Variants in RAC2 observed in about 807,000 individuals in gnomAD.
RAC2 encodes the protein Rac family small GTPase 2.
RAC2 carries 1 observed loss-of-function variant against 24.0 expected under a neutral mutation model. The observed-to-expected ratio is 0.04, with a 90% CI of 0.01 to 0.20. The LOEUF is 0.20. Ranked by LOEUF, RAC2 falls within the 10% of genes least tolerant of loss-of-function variation. The pLI is 1.00. For synonymous variants in RAC2, 114 were observed against 106.8 expected (o/e 1.07, Z -0.41); for missense variants, 130 against 259.1 (o/e 0.50, Z 3.42).
intron 2 of RAC2, chr22:37,241,114 C>G (rs1237916180): frequency 2.6e-6 from 2 of 777,402 alleles, no homozygotes; most frequent in Non-Finnish European, 4.8e-6. Context: ...CCCTCCACGT[C>G]CGATGACAGC....
intron 5 of RAC2, among the ~76,000 whole-genome samples, chr22:37,228,719 TG>T (rs1200164650): frequency 5.3e-5 from 8 of 151,452 alleles, no homozygotes; most frequent in African/African-American, 9.7e-5. Flanking sequence ...GGCACAGAGC[TG>T]GGGGGAGAAG....
chr22:37,227,388 C>T (rs1601669011), intron 5 of RAC2, among the ~76,000 whole-genome samples: 1 of 44,058 alleles, frequency 2.3e-5, no homozygotes, highest in Non-Finnish European at 4.3e-5. Flanking sequence ...CCACGCCATA[C>T]ACCCCTCCCA....
At position 37,231,051 on chromosome 22, in the gene RAC2, T is replaced by C. The variant is rs1431326113; in HGVS notation, c.448+180A>G. On this transcript the variant is annotated intron_variant, in intron 5 of 6. Transcript: ENST00000249071. This position sits in a 1 kb window ranked among gnomAD's most constrained non-coding sequence, Gnocchi z 5.5. ...CTATCACTATCCCATGCTTTTCTGATAAGGAAACACAGGCAGAGAGAGGCT... is the reference window on the plus strand; with the variant it reads ...CTATCACTATCCCATGCTTTTCTGACAAGGAAACACAGGCAGAGAGAGGCT... Among the ~76,000 whole-genome samples the C allele has an allele frequency of 6.6e-6, 1 of 152,114 alleles. No homozygotes were observed. Among genetic ancestry groups the C allele is most frequent in the African/African-American group, 2.4e-5 (1 of 41,416 alleles).
chr22:37,226,218 C>T (rs1309774869), intron 6 of RAC2, among the ~76,000 whole-genome samples, 179 bp from the exon 7 acceptor site: 1 of 152,038 alleles, frequency 6.6e-6, no homozygotes, highest in Admixed American at 6.5e-5. Flanking sequence ...TGGTCCCACA[C>T]CTCCAGGAGG....
At chr22:37,237,717 G>A (rs1290766940) in intron 2 of RAC2, among the ~76,000 whole-genome samples, 3 of 152,078 alleles carry the variant, frequency 2.0e-5, no homozygotes, top group Admixed American at 2.0e-4. Context: ...TCCTCCCCGG[G>A]GTCGGGGAGG....
At position 37,231,610 on chromosome 22, in the gene RAC2, A is replaced by G. The variant is rs1601671785; in HGVS notation, c.289-220T>C. ...AAGGAGGGGGCGCATGATTGTAGGA[A>G]AGGAGGAGGCGAGGTTTTGTGCAGA... On this transcript the variant is annotated intron_variant, in intron 4 of 6. Transcript: ENST00000249071. The surrounding 1 kb of genome is among the most constrained non-coding windows in gnomAD (Gnocchi z 5.5). 4 of 606,036 alleles carry G rather than the reference A, an allele frequency of 6.6e-6. No individual in the cohort carries two copies. The East Asian group carries it at 1.1e-4, about 17-fold the overall frequency. The allele number at this position is 606,036 out of a possible 1,614,324, so 37.5% of individuals were successfully genotyped here.
intron 2 of RAC2, among the ~76,000 whole-genome samples, chr22:37,235,606 C>T (rs1294125194): frequency 6.6e-6 from 1 of 152,228 alleles, no homozygotes; most frequent in Non-Finnish European, 1.5e-5. Flanking sequence ...TGCTGGCGTG[C>T]ACCTACTCTG....
chr22:37,238,340 G>A (rs56338712), intron 2 of RAC2, among the ~76,000 whole-genome samples: 1,555 of 152,132 alleles, frequency 0.01, 24 homozygotes, highest in African/African-American at 0.035. Context: ...AGGCTCAAGC[G>A]ATCCTCCCAC....
At chr22:37,240,061 C>G (rs1441791924) in intron 2 of RAC2, among the ~76,000 whole-genome samples, 1 of 152,174 alleles carries the variant, frequency 6.6e-6, no homozygotes, top group Non-Finnish European at 1.5e-5. Context: ...TGGCTGCCTG[C>G]CTTCCTCTAG....
In RAC2 at chr22:37,231,967, C is replaced by G; in HGVS notation, c.253G>C (p.Val85Leu). ...ACGTTCTCATAAGAGGCTGGGCTGA[C>G]GAGGGAGAAGCAGATGAGGAAGACG... ...TDVFLICFSLVSPASYENVRA... is the reference protein window; with the variant it reads ...TDVFLICFSLLSPASYENVRA... The change falls in exon 4 of 7, where the codon GTC becomes CTC. Residue 85 changes from valine to leucine, a missense_variant. By Grantham distance (32) the Val-to-Leu change is conservative. Coordinates refer to ENST00000249071, the MANE Select transcript of RAC2 (RefSeq NM_002872.5). The surrounding 1 kb of genome is among the most constrained non-coding windows in gnomAD (Gnocchi z 5.5). 6.4e-7 allele frequency: 1 copy of G among 1,552,244 alleles called. No homozygotes were observed. The highest frequency in any genetic ancestry group is 8.7e-7 in the Non-Finnish European group (1 of 1,147,514).
chr22:37,238,615 C>A (rs571653894), intron 2 of RAC2, among the ~76,000 whole-genome samples: 1 of 152,170 alleles, frequency 6.6e-6, no homozygotes, highest in Non-Finnish European at 1.5e-5. Flanking sequence ...AGGGGGCGCC[C>A]CTCTATGCCA....
At chr22:37,232,301 T>G in intron 3 of RAC2, 1 of 497,900 alleles carries the variant, frequency 2.0e-6, no homozygotes, top group Non-Finnish European at 3.7e-6. Flanking sequence ...GTTAAAGAGT[T>G]TGCCAACGTG....
intron 5 of RAC2, among the ~76,000 whole-genome samples, chr22:37,227,014 C>A (rs1388936073): frequency 9.3e-4 from 33 of 35,668 alleles, no homozygotes; most frequent in South Asian, 3.0e-3. Flanking sequence ...CGCCATACAC[C>A]CCTCCCACGC....
chr22:37,226,368 G>C (rs1330334260), intron 6 of RAC2, among the ~76,000 whole-genome samples: 1 of 151,990 alleles, frequency 6.6e-6, no homozygotes, highest in Non-Finnish European at 1.5e-5. Flanking sequence ...AGGGACCAAG[G>C]CATCTTTTCC....
chr22:37,231,403 G>A lies in RAC2; in HGVS notation c.289-13C>T. 6.2e-7 allele frequency: 1 copy of A among 1,613,886 alleles called. No individual in the cohort carries two copies. The highest frequency in any genetic ancestry group is 8.5e-7 in the Non-Finnish European group (1 of 1,179,990). ...CTTCTGGGAACCACTGGGCAGGTGG[G>A]TGGGGGGACACAAGGTTGTATGGGT... On this transcript the variant is annotated splice_polypyrimidine_tract_variant and intron_variant, in intron 4 of 6. Coordinates refer to ENST00000249071, the MANE Select transcript of RAC2 (RefSeq NM_002872.5). This position sits in a 1 kb window ranked among gnomAD's most constrained non-coding sequence, Gnocchi z 5.5.
In RAC2 at chr22:37,227,842, C is replaced by A. The variant is rs541397475; in HGVS notation, c.449-1039G>T. Among the ~76,000 whole-genome samples the A allele has an allele frequency of 2.7e-4, 41 of 152,160 alleles. No individual in the cohort carries two copies. The Middle Eastern group carries it at 0.01, about 38-fold the overall frequency. On this transcript the variant is annotated intron_variant, in intron 5 of 6. Transcript: ENST00000249071. ...GTTTCCTCATGTCTGTAATAGCGAG[C>A]GTGAACTCAGTGAGAGACTAAGGCC...
In RAC2 at chr22:37,232,788, G is replaced by T; in HGVS notation, c.225+13C>A. On this transcript the variant is annotated intron_variant, in intron 3 of 6. Transcript: ENST00000249071. ...CAAAGGTCAGGACTGCAAGGCAGGT[G>T]GGAGCAGCACACCGTCTGTGGATAG... The T allele has an allele frequency of 1.2e-6, 2 of 1,600,972 alleles. No individual in the cohort carries two copies. The highest frequency in any genetic ancestry group is 1.7e-6 in the Non-Finnish European group (2 of 1,168,588).
Position 37,244,199 on chromosome 22 carries a change from G to C in RAC2, c.-51C>G, listed in dbSNP as rs1344451996. 3.7e-6 allele frequency: 6 copies of C among 1,606,592 alleles called. No individual in the cohort carries two copies. The highest frequency in any genetic ancestry group is 5.1e-6 in the Non-Finnish European group (6 of 1,176,396). ...GTGGTGACAGCTCAGGGCCAGGCGC[G>C]TTTCTGCGGGCGCAAGGGGTGTGGA... On this transcript the variant is annotated 5_prime_UTR_variant, in exon 1 of 7. Coordinates refer to ENST00000249071, the MANE Select transcript of RAC2 (RefSeq NM_002872.5).
intron 2 of RAC2, among the ~76,000 whole-genome samples, chr22:37,238,607 G>A (rs1192490701): frequency 6.6e-6 from 1 of 152,182 alleles, no homozygotes; most frequent in African/African-American, 2.4e-5. Context: ...GAGGTGTAAG[G>A]GGGCGCCCCT....
Sources: gnomAD v4.1 joint callset for allele counts (sites outside exome capture counted in the v4.1 genomes callset) on GRCh38, gnomAD v4.1.1 for gene constraint, Gnocchi (gnomAD v3.1) non-coding constraint, MANE v1.5 for transcripts, NCBI Gene and HGNC (gene_info 2026-07-23, HGNC 2026-07-21) for gene names.